The following STAP1 variants were observed in gnomAD, a reference collection of about 807,000 sequenced individuals.
STAP1 encodes signal-transducing adaptor protein 1.
A neutral mutation model predicts 37.8 loss-of-function variants in STAP1; 30 were observed. That is an observed-to-expected ratio of 0.79 (90% CI 0.59 to 1.08). The LOEUF (loss-of-function observed/expected upper bound fraction) is 1.08, where lower values mean the gene tolerates loss of function less well. STAP1 is among the 50% of genes least tolerant of loss of function. STAP1 has a pLI of 0.00. For synonymous variants in STAP1, 130 were observed against 116.0 expected (o/e 1.12, Z -0.78); for missense variants, 357 against 349.4 (o/e 1.02, Z -0.17).
intron 2 of STAP1, 94 bp downstream of exon 2, chr4:67,571,249 A>T: frequency 1.2e-6 from 1 of 813,392 alleles, no homozygotes; most frequent in Non-Finnish European, 2.0e-6. Context: ...ATCCAAGAAT[A>T]AAGATGCTCT....
At chr4:67,593,418 A>G (rs1391936294) in intron 8 of STAP1, 62 bp downstream of exon 8, 1 of 1,236,048 alleles carries the variant, frequency 8.1e-7, no homozygotes, top group Non-Finnish European at 1.2e-6. Flanking sequence ...AAAATCCCCA[A>G]AACTCTGCAT....
chr4:67,590,947 A>G lies in STAP1; in HGVS notation c.723A>G (p.Glu241=), dbSNP rs1728107580. Residue 241 remains glutamate (E), a synonymous_variant, in exon 7 of 9, where the codon GAA becomes GAG. Transcript: ENST00000265404. ...SVGQNYTIEL[E]KPVTLPNLFS... ...GACAAAACTACACTATTGAACTGGAAAAACCTGTAAGTAACTATTTTTGTT... is the reference window on the plus strand; with the variant it reads ...GACAAAACTACACTATTGAACTGGAGAAACCTGTAAGTAACTATTTTTGTT... 3.1e-6 allele frequency: 5 copies of G among 1,610,514 alleles called. No homozygotes were observed. Among genetic ancestry groups the G allele is most frequent in the Non-Finnish European group, 4.2e-6 (5 of 1,178,142 alleles).
intron 8 of STAP1, among the ~76,000 whole-genome samples, chr4:67,603,523 G>A (rs1316951962): frequency 6.6e-6 from 1 of 152,132 alleles, no homozygotes; most frequent in Non-Finnish European, 1.5e-5. Context: ...CTCAACCCAA[G>A]GCCCACAGCA....
chr4:67,580,798 T>C (rs1325855743), intron 4 of STAP1, among the ~76,000 whole-genome samples: 1 of 152,214 alleles, frequency 6.6e-6, no homozygotes, highest in Non-Finnish European at 1.5e-5. Flanking sequence ...TGTGAATGAA[T>C]GTTTGAAACA....
At chr4:67,574,912 A>G (rs1028975538) in intron 2 of STAP1, among the ~76,000 whole-genome samples, 1 of 152,188 alleles carries the variant, frequency 6.6e-6, no homozygotes, top group African/African-American at 2.4e-5. Context: ...GCTGATTTCA[A>G]CCTAACAGTA....
intron 3 of STAP1, 53 bp from the exon 4 acceptor site, chr4:67,577,150 A>G (rs1262317772): frequency 6.0e-6 from 9 of 1,495,992 alleles, no homozygotes; most frequent in South Asian, 1.2e-5. Context: ...TTTATGCTCA[A>G]TCACTCATGT....
chr4:67,577,310 C>T, intron 4 of STAP1, 51 bp downstream of exon 4: 1 of 1,501,002 alleles, frequency 6.7e-7, no homozygotes, highest in Non-Finnish European at 9.1e-7. Flanking sequence ...CAACAAATAT[C>T]TGCTGAACAC....
intron 8 of STAP1, 46 bp downstream of exon 8, chr4:67,593,402 C>T (rs369210054): frequency 9.8e-6 from 14 of 1,422,466 alleles, no homozygotes; most frequent in Non-Finnish European, 1.4e-5. Flanking sequence ...CAAAACAAAA[C>T]AAAACAAAAT....
At chr4:67,594,480 T>C (rs994908734) in intron 8 of STAP1, among the ~76,000 whole-genome samples, 3 of 151,474 alleles carry the variant, frequency 2.0e-5, no homozygotes, top group Admixed American at 2.0e-4. Context: ...ATTGTGAATG[T>C]AAGAGGGCTT....
intron 6 of STAP1, 139 bp from the exon 7 acceptor site, chr4:67,590,745 A>AT (rs66493617): frequency 0.051 from 10,718 of 208,568 alleles, 162 homozygotes; most frequent in African/African-American, 0.064. Context: ...ACCACGAAGG[A>AT]TTTTTTTTTT....
intron 5 of STAP1, among the ~76,000 whole-genome samples, chr4:67,581,931 G>T (rs1190971615): frequency 1.3e-5 from 2 of 152,172 alleles, no homozygotes; most frequent in African/African-American, 2.4e-5. Context: ...TGTTTAAGGT[G>T]TTGGAAAAAT....
chr4:67,581,491 C>A lies in STAP1; in HGVS notation c.530+20C>A, dbSNP rs377135840. Reference sequence around the variant, plus strand: ...GCCAGCGTAAGTGCACAATGAACTGCAGTTTATTCATTCGATTGTTAAAAC... The same window carrying A: ...GCCAGCGTAAGTGCACAATGAACTGAAGTTTATTCATTCGATTGTTAAAAC... On this transcript the variant is annotated intron_variant, in intron 5 of 8. Coordinates refer to ENST00000265404, the MANE Select transcript of STAP1 (RefSeq NM_012108.4). 6.3e-6 allele frequency: 10 copies of A among 1,578,002 alleles called. No homozygotes were observed. The East Asian group carries it at 1.6e-4, about 25-fold the overall frequency.
At chr4:67,583,551 G>GTT (rs144427229) in intron 5 of STAP1, 23 bp from the exon 6 acceptor site, 479 of 1,565,868 alleles carry the variant, frequency 3.1e-4, no homozygotes, top group Non-Finnish European at 3.8e-4. Flanking sequence ...AAACAATTCT[G>GTT]TTTTTTTATC....
At position 67,564,744 on chromosome 4, in the gene STAP1, C is replaced by T. The variant is rs569299128; in HGVS notation, c.120+5815C>T. ...CCTGGCCAACATGGTGAAACCCTGC[C>T]TCTACTAAAAATACAAAAATTAGCC... On this transcript the variant is annotated intron_variant, in intron 1 of 8. Coordinates refer to ENST00000265404, the MANE Select transcript of STAP1 (RefSeq NM_012108.4). Among the ~76,000 whole-genome samples the T allele has an allele frequency of 3.9e-5, 6 of 152,148 alleles. No individual in the cohort carries two copies. The South Asian group carries it at 1.2e-3, about 32-fold the overall frequency.
chr4:67,590,787 C>T, intron 6 of STAP1, 97 bp from the exon 7 acceptor site: 1 of 364,670 alleles, frequency 2.7e-6, no homozygotes, highest in Non-Finnish European at 4.6e-6. Flanking sequence ...GTCATGACAA[C>T]ATAGGTTGAT....
intron 8 of STAP1, among the ~76,000 whole-genome samples, chr4:67,598,988 C>T (rs1044456099): frequency 3.3e-5 from 5 of 152,078 alleles, no homozygotes; most frequent in African/African-American, 1.2e-4. Flanking sequence ...AACTATTGTT[C>T]TTCATTCTAT....
intron 4 of STAP1, among the ~76,000 whole-genome samples, chr4:67,580,761 A>T (rs1727835108): frequency 6.6e-6 from 1 of 152,222 alleles, no homozygotes. Context: ...ACCAACTAAT[A>T]AGTAGAAAAG....
chr4:67,606,416 C>T lies in STAP1; in HGVS notation c.*59C>T. ...TAATTTATATTTTCAAAACGAAGTT[C>T]TTACTTTTAAAGAGAATTACCTATA... On this transcript the variant is annotated 3_prime_UTR_variant, in exon 9 of 9. Coordinates refer to ENST00000265404, the MANE Select transcript of STAP1 (RefSeq NM_012108.4). 1.0e-5 allele frequency: 15 copies of T among 1,480,740 alleles called. No individual in the cohort carries two copies. The highest frequency in any genetic ancestry group is 1.4e-5 in the Non-Finnish European group (15 of 1,086,706). 91.7% of individuals were successfully genotyped at this position (1,480,740 alleles called of 1,614,324 possible).
chr4:67,577,873 T>C (rs570104368), intron 4 of STAP1, among the ~76,000 whole-genome samples: 85 of 152,238 alleles, frequency 5.6e-4, no homozygotes, highest in Admixed American at 1.0e-3. Flanking sequence ...GGTTTGGAAC[T>C]CCTGGCCTCA....
Sources: allele counts gnomAD v4.1 joint callset (sites outside exome capture counted in the v4.1 genomes callset), GRCh38; gene constraint gnomAD v4.1.1; transcripts MANE v1.5; gene names NCBI Gene and HGNC (gene_info 2026-07-23, HGNC 2026-07-21).